LONP2: variants seen among roughly 807,000 people sequenced by gnomAD.
LONP2 encodes lon protease homolog 2, peroxisomal.
Under a neutral mutation model 85.6 loss-of-function variants are expected in LONP2, and 60 were observed. The ratio of observed to expected loss-of-function variants is 0.70; its 90% CI spans 0.57 to 0.87. LONP2 has a LOEUF of 0.87. Ranked by LOEUF, LONP2 falls within the 40% of genes least tolerant of loss-of-function variation. The pLI, the probability that LONP2 is intolerant of heterozygous loss-of-function variation, is 0.00. For synonymous variants in LONP2, 395 were observed against 389.7 expected (o/e 1.01, Z -0.16); for missense variants, 860 against 1,063.5 (o/e 0.81, Z 2.66).
chr16:48,250,927 C>T (rs1383779275), intron 1 of LONP2, among the ~76,000 whole-genome samples: 1 of 152,148 alleles, frequency 6.6e-6, no homozygotes, highest in Non-Finnish European at 1.5e-5. Flanking sequence ...TTTTTTCCCT[C>T]ACCAATTTAT....
intron 11 of LONP2, among the ~76,000 whole-genome samples, chr16:48,325,639 A>G (rs1973353695): frequency 6.6e-6 from 1 of 152,100 alleles, no homozygotes; most frequent in African/African-American, 2.4e-5. Flanking sequence ...TATATGTCAC[A>G]TTTTCTTTAT....
At chr16:48,271,674 G>T (rs1972108749) in intron 7 of LONP2, among the ~76,000 whole-genome samples, 1 of 152,074 alleles carries the variant, frequency 6.6e-6, no homozygotes, top group South Asian at 2.1e-4. Flanking sequence ...TTGAGCTCAG[G>T]AGTTCAAGAA....
At chr16:48,322,893 G>A (rs1567341619) in intron 11 of LONP2, among the ~76,000 whole-genome samples, 1 of 152,180 alleles carries the variant, frequency 6.6e-6, no homozygotes, top group Non-Finnish European at 1.5e-5. Flanking sequence ...CAAAGATTTG[G>A]GTAATGCATT....
At chr16:48,256,888 T>A in intron 3 of LONP2, 147 bp downstream of exon 3, 2 of 705,740 alleles carry the variant, frequency 2.8e-6, no homozygotes, top group Non-Finnish European at 4.4e-6. Context: ...GACTTTCAAA[T>A]GTGATTGTTT....
rs191058646 is a variant in LONP2, at chr16:48,284,484, C to T, written c.1383+7005C>T. 1.7e-3 allele frequency among the ~76,000 whole-genome samples: 257 copies of T among 152,248 alleles called. 3 individuals are homozygous for T. Among genetic ancestry groups the T allele is most frequent in the Non-Finnish European group, 1.5e-3 (102 of 68,026 alleles). On this transcript the variant is annotated intron_variant, in intron 8 of 14. Transcript: ENST00000285737. The stretch of plus-strand genomic sequence containing the variant: ...CCACCCTAACTTTCAGCAGCCACCA[C>T]CTGATCAGTCATCAACCATTAATAT...
At chr16:48,362,127 G>A (rs112294992), downstream of LONP2, 7 of 1,614,126 alleles carry the variant, frequency 4.3e-6, no homozygotes, top group African/African-American at 6.7e-5. This position sits in a 1 kb window ranked among gnomAD's most constrained non-coding sequence, Gnocchi z 4.2. Flanking sequence ...TCCAGAAGAC[G>A]CATATTTACA....
At chr16:48,341,626 C>T (rs1421258749) in intron 12 of LONP2, among the ~76,000 whole-genome samples, 1 of 152,208 alleles carries the variant, frequency 6.6e-6, no homozygotes, top group Non-Finnish European at 1.5e-5. Context: ...TTGGTGGAGA[C>T]ACAGATCCAA....
At chr16:48,288,020 C>T (rs75367460) in intron 8 of LONP2, among the ~76,000 whole-genome samples, 14,922 of 152,150 alleles carry the variant, frequency 0.098, 800 homozygotes, top group African/African-American at 0.12. Flanking sequence ...AATATATCTT[C>T]AGGTTACTTC....
chr16:48,290,589 G>A (rs1972539962), intron 8 of LONP2, among the ~76,000 whole-genome samples: 1 of 152,076 alleles, frequency 6.6e-6, no homozygotes. Flanking sequence ...AGAACTCAGG[G>A]AAACAATTTA....
chr16:48,285,033 TCTC>T (rs1460108334), intron 8 of LONP2, among the ~76,000 whole-genome samples: 3 of 152,202 alleles, frequency 2.0e-5, no homozygotes, highest in Non-Finnish European at 4.4e-5. Flanking sequence ...TCTTGTCTCA[TCTC>T]CTGGTGACAT....
chr16:48,289,288 GATTTTATAC>G (rs1417056451), intron 8 of LONP2, among the ~76,000 whole-genome samples: 2 of 152,150 alleles, frequency 1.3e-5, no homozygotes, highest in Admixed American at 1.3e-4. Flanking sequence ...AGCACAGCTT[GATTTTATAC>G]ATTTTAGGGA....
intron 11 of LONP2, among the ~76,000 whole-genome samples, chr16:48,303,721 G>T (rs970565570): frequency 6.6e-6 from 1 of 152,190 alleles, no homozygotes; most frequent in African/African-American, 2.4e-5. Flanking sequence ...TAGGGAAGCC[G>T]ACAGTACAGC....
chr16:48,298,344 G>A (rs1054704730), intron 9 of LONP2, among the ~76,000 whole-genome samples: 1 of 152,018 alleles, frequency 6.6e-6, no homozygotes, highest in African/African-American at 2.4e-5. Flanking sequence ...AGAGACAAAG[G>A]AAATCTATAT....
chr16:48,280,023 G>A (rs183207784), intron 8 of LONP2, among the ~76,000 whole-genome samples: 1 of 152,152 alleles, frequency 6.6e-6, no homozygotes, highest in Admixed American at 6.5e-5. Context: ...TTGTTTGGAC[G>A]ATAAAAAAGT....
chr16:48,297,790 C>T lies in LONP2; in HGVS notation c.1534+1625C>T, dbSNP rs545234357. ...TCTCAGCTCACTGCAACCTCTATGTCCCAGGTTCAAACAATTCTCTTGCCT... is the reference window on the plus strand; with the variant it reads ...TCTCAGCTCACTGCAACCTCTATGTTCCAGGTTCAAACAATTCTCTTGCCT... On this transcript the variant is annotated intron_variant, in intron 9 of 14. Coordinates refer to ENST00000285737, the MANE Select transcript of LONP2 (RefSeq NM_031490.5). Among the ~76,000 whole-genome samples the T allele has an allele frequency of 9.9e-5, 15 of 151,794 alleles. 1 individual carries two copies. The East Asian group carries it at 2.9e-3, about 29-fold the overall frequency.
chr16:48,261,433 A>G lies in LONP2; in HGVS notation c.733A>G (p.Ile245Val), dbSNP rs764340502. ...CTGCTTTCTATGTTAGGTTATAGCAATACGCCCTATTAGGAGAATTACACA... is the reference window on the plus strand; with the variant it reads ...CTGCTTTCTATGTTAGGTTATAGCAGTACGCCCTATTAGGAGAATTACACA... The part of the protein sequence containing the change: ...KQDDDKRVIA[I>V]RPIRRITHIS... Residue 245 changes from isoleucine to valine, a missense_variant, in exon 5 of 15, where the codon ATA (isoleucine) becomes GTA (valine). By Grantham distance (29) the Ile-to-Val change is conservative (BLOSUM62 3). Around this residue, in one of 3 missense-constraint regions of LONP2, gnomAD observed 743 missense variants for 917.3 expected, o/e 0.81. Coordinates refer to ENST00000285737, the MANE Select transcript of LONP2 (RefSeq NM_031490.5). 4 of 1,600,508 alleles carry G rather than the reference A, an allele frequency of 2.5e-6. No homozygotes were observed. Among genetic ancestry groups the G allele is most frequent in the Non-Finnish European group, 3.4e-6 (4 of 1,173,340 alleles).
In LONP2 at chr16:48,319,610, G is replaced by T. The variant is rs185519539; in HGVS notation, c.1796-14606G>T. On this transcript the variant is annotated intron_variant, in intron 11 of 14. Coordinates refer to ENST00000285737, the MANE Select transcript of LONP2 (RefSeq NM_031490.5). Reference sequence around the variant, plus strand: ...CAGAGCCTTCAGTTTCTTATCTCTGGTAAGAGGTAATGTGTCTCTCCCTAG... The same window carrying T: ...CAGAGCCTTCAGTTTCTTATCTCTGTTAAGAGGTAATGTGTCTCTCCCTAG... 3.9e-5 allele frequency among the ~76,000 whole-genome samples: 6 copies of T among 152,174 alleles called. No homozygotes were observed. In the East Asian group the frequency reaches 7.7e-4, roughly 20 times the overall value.
Position 48,356,639 on chromosome 16 carries a change from C to G in LONP2, c.*4837C>G. 2.9e-6 allele frequency: 1 copy of G among 347,588 alleles called. No individual in the cohort carries two copies. 21.5% of individuals were successfully genotyped at this position (347,588 alleles called of 1,614,324 possible). A position where few individuals can be genotyped will look rare whatever the true frequency, so the allele number is the denominator to read the frequency against. ...TTGGTGGATACCACAATGAAAACTGCACTTAAAAAACAAAAATGCTGAAAG... is the reference window on the plus strand; with the variant it reads ...TTGGTGGATACCACAATGAAAACTGGACTTAAAAAACAAAAATGCTGAAAG... On this transcript the variant is annotated 3_prime_UTR_variant, in exon 15 of 15. Coordinates refer to ENST00000285737, the MANE Select transcript of LONP2 (RefSeq NM_031490.5).
intron 1 of LONP2, among the ~76,000 whole-genome samples, chr16:48,251,010 A>G (rs2150961912): frequency 6.6e-6 from 1 of 152,360 alleles, no homozygotes; most frequent in Non-Finnish European, 1.5e-5. Flanking sequence ...AGGTAAGAAA[A>G]GGATAGACGT....
Sources: allele counts gnomAD v4.1 joint callset (sites outside exome capture counted in the v4.1 genomes callset), GRCh38; gene constraint gnomAD v4.1.1; regional missense constraint gnomAD v4.1.1; non-coding constraint Gnocchi (gnomAD v3.1); transcripts MANE v1.5; gene names NCBI Gene and HGNC (gene_info 2026-07-23, HGNC 2026-07-21).